Variants in STOX2 observed in about 807,000 individuals in gnomAD.
STOX2 encodes storkhead-box protein 2.
A neutral mutation model predicts 60.9 loss-of-function variants in STOX2; 28 were observed. The ratio of observed to expected loss-of-function variants is 0.46; its 90% CI spans 0.34 to 0.63. The LOEUF is 0.63. Ranked by LOEUF, STOX2 falls within the 30% of genes least tolerant of loss-of-function variation. The pLI is 0.01. For synonymous variants in STOX2, 472 were observed against 463.9 expected, an observed-to-expected ratio of 1.02 and a Z score of -0.22; for missense variants, 1,024 against 1,187.7, an observed-to-expected ratio of 0.86 and a Z score of 2.03.
At chr4:183,832,621 A>G (rs1371552232) in intron 1 of STOX2, among the ~76,000 whole-genome samples, 1 of 149,758 alleles carries the variant, frequency 6.7e-6, no homozygotes, top group Admixed American at 6.7e-5. Context: ...CTCCCAAGTA[A>G]CTGGGATTAC....
At chr4:183,969,725 TC>T (rs1178998785) in intron 1 of STOX2, among the ~76,000 whole-genome samples, 1 of 152,026 alleles carries the variant, frequency 6.6e-6, no homozygotes, top group East Asian at 1.9e-4. Flanking sequence ...GCTCAAGTCA[TC>T]CCTCCACCTC....
chr4:183,837,736 CAT>C (rs1560838821), intron 1 of STOX2, among the ~76,000 whole-genome samples: 3 of 152,114 alleles, frequency 2.0e-5, no homozygotes, highest in Admixed American at 6.5e-5. Flanking sequence ...TGGGATTACA[CAT>C]GTGAGCCACC....
intron 1 of STOX2, among the ~76,000 whole-genome samples, chr4:183,926,570 C>T (rs989350893): frequency 1.4e-4 from 21 of 151,762 alleles, no homozygotes; most frequent in African/African-American, 3.6e-4. Flanking sequence ...TTTCTTAGGA[C>T]GAACCTTTAG....
chr4:183,933,420 C>T (rs1458123938), intron 1 of STOX2, among the ~76,000 whole-genome samples: 1 of 151,958 alleles, frequency 6.6e-6, no homozygotes, highest in East Asian at 1.9e-4. Context: ...GACAGTTTCA[C>T]TCTTGTCGCC....
intron 3 of STOX2, among the ~76,000 whole-genome samples, chr4:184,016,616 C>A (rs943685372): frequency 6.6e-6 from 1 of 152,110 alleles, no homozygotes; most frequent in African/African-American, 2.4e-5. Context: ...ATGCTCAAGT[C>A]CCCCACAGTC....
At chr4:183,963,401 T>C (rs1743468106) in intron 1 of STOX2, among the ~76,000 whole-genome samples, 2 of 152,166 alleles carry the variant, frequency 1.3e-5, no homozygotes, top group Non-Finnish European at 2.9e-5. Flanking sequence ...TGCTTTTATC[T>C]ATTTAAAAAT....
At chr4:183,901,596 T>TTTTG (rs1560871818), upstream of STOX2, among the ~76,000 whole-genome samples, 1,115 of 129,284 alleles carry the variant, frequency 8.6e-3, 12 homozygotes, top group African/African-American at 0.034. Context: ...GGTTTTTGGG[T>TTTTG]ATTTTTTTTT....
At chr4:183,935,964 G>A (rs1742578517) in intron 1 of STOX2, among the ~76,000 whole-genome samples, 1 of 152,176 alleles carries the variant, frequency 6.6e-6, no homozygotes, top group African/African-American at 2.4e-5. Flanking sequence ...TTTTTTTGTT[G>A]AAATGAACCC....
At chr4:183,965,723 C>A (rs113352210) in intron 1 of STOX2, among the ~76,000 whole-genome samples, 1 of 151,868 alleles carries the variant, frequency 6.6e-6, no homozygotes, top group Non-Finnish European at 1.5e-5. Flanking sequence ...CAGAGGAAAC[C>A]AGTGGCGGGG....
intron 1 of STOX2, among the ~76,000 whole-genome samples, chr4:183,952,884 T>C (rs1743134834): frequency 6.6e-6 from 1 of 152,030 alleles, no homozygotes; most frequent in South Asian, 2.1e-4. Context: ...TCATGTCCTT[T>C]GGAGGGACAT....
rs1355738054 is a variant in STOX2 at position 183,850,724 on chromosome 4, G to A, written c.364+52669G>A. On this transcript the variant is annotated intron_variant, in intron 1 of 2. Coordinates refer to the STOX2 transcript ENST00000513034. ...AGCCTGGGTGACAGAGTGAGACTCC[G>A]TCTCAAGAAAAAAAGAAGAAGTCAA... Among the ~76,000 whole-genome samples the A allele has an allele frequency of 9.2e-5, 14 of 152,090 alleles. No homozygotes were observed. In the South Asian group the frequency reaches 1.0e-3, roughly 11 times the overall value.
chr4:184,016,390 A>C (rs1441675135), intron 3 of STOX2: 1 of 152,482 alleles, frequency 6.6e-6, no homozygotes, highest in Non-Finnish European at 1.5e-5. Flanking sequence ...AACAAAAACA[A>C]AAACAAAAAA....
chr4:183,955,759 G>GTTT (rs796429215), intron 1 of STOX2, among the ~76,000 whole-genome samples: 2 of 148,632 alleles, frequency 1.3e-5, no homozygotes, highest in South Asian at 2.1e-4. Flanking sequence ...CTTCTTTAAA[G>GTTT]TTTTTTTTTT....
At chr4:183,824,287 C>T (rs1021468274) in intron 1 of STOX2, among the ~76,000 whole-genome samples, 11 of 152,208 alleles carry the variant, frequency 7.2e-5, no homozygotes, top group African/African-American at 2.2e-4. Context: ...ACAATATTCT[C>T]ACCACCTGCT....
At chr4:183,818,103 AT>A (rs547034310) in intron 1 of STOX2, among the ~76,000 whole-genome samples, 13,781 of 147,270 alleles carry the variant, frequency 0.094, 2,021 homozygotes, top group African/African-American at 0.32. Context: ...TTTTAGTATA[AT>A]TTTTTTTTTT....
At chr4:183,810,137 T>G (rs1210204219) in intron 1 of STOX2, among the ~76,000 whole-genome samples, 1 of 152,160 alleles carries the variant, frequency 6.6e-6, no homozygotes, top group African/African-American at 2.4e-5. Flanking sequence ...AAACCCGGAT[T>G]CTCTACCCTT....
chr4:183,930,187 A>T (rs1248444122), intron 1 of STOX2, among the ~76,000 whole-genome samples: 2 of 138,200 alleles, frequency 1.4e-5, no homozygotes, highest in Admixed American at 7.3e-5. Flanking sequence ...TTTTTTTAAG[A>T]CAGGGTCTTA....
At chr4:184,002,950 C>A (rs1733661119) in intron 2 of STOX2, among the ~76,000 whole-genome samples, 3 of 152,212 alleles carry the variant, frequency 2.0e-5, no homozygotes, top group Admixed American at 2.0e-4. Context: ...CCCACCCTTG[C>A]AACATACAAA....
chr4:183,837,114 G>T (rs1739730054), intron 1 of STOX2, among the ~76,000 whole-genome samples: 2 of 152,106 alleles, frequency 1.3e-5, no homozygotes, highest in Non-Finnish European at 1.5e-5. Flanking sequence ...ACTTCTGGGA[G>T]CAGAAATGGG....
Sources: allele counts gnomAD v4.1 joint callset (sites outside exome capture counted in the v4.1 genomes callset), GRCh38; gene constraint gnomAD v4.1.1; transcripts MANE v1.5; gene names NCBI Gene and HGNC (gene_info 2026-07-23, HGNC 2026-07-21).